The following GMDS variants were observed in gnomAD, a reference collection of about 807,000 sequenced individuals.
GMDS encodes the protein GDP-mannose 4,6-dehydratase.
In GMDS, 20 loss-of-function variants were observed where a neutral mutation model predicts 49.9. The observed-to-expected ratio is 0.40, with a 90% CI of 0.28 to 0.58. GMDS has a LOEUF of 0.58. GMDS is among the 20% of genes least tolerant of loss of function. GMDS has a pLI of 0.42. For synonymous variants in GMDS, 177 were observed against 178.6 expected (o/e 0.99, Z 0.07); for missense variants, 362 against 481.4 (o/e 0.75, Z 2.32).
chr6:1,700,279 TTTA>T, intron 9 of GMDS, among the ~76,000 whole-genome samples: 2 of 152,240 alleles, frequency 1.3e-5, no homozygotes, highest in East Asian at 3.8e-4. Context: ...TGCGAAAGTT[TTTA>T]TTTTTACTCT....
At chr6:2,194,029 T>A (rs1366807574) in intron 1 of GMDS, among the ~76,000 whole-genome samples, 1 of 128,978 alleles carries the variant, frequency 7.8e-6, no homozygotes, top group Non-Finnish European at 1.5e-5. Context: ...CCAAAAATGC[T>A]ATTTTTTTTT....
chr6:1,647,395 C>T (rs1371755609), intron 9 of GMDS, among the ~76,000 whole-genome samples: 1 of 152,082 alleles, frequency 6.6e-6, no homozygotes, highest in Non-Finnish European at 1.5e-5. Context: ...CAGCTTCTCC[C>T]CACCCCCAAA....
rs567905789 is a variant in GMDS, at chr6:1,962,880, C to CT, written c.346-1915dup. Among the ~76,000 whole-genome samples, 624 of 137,818 alleles carry CT rather than the reference C, an allele frequency of 4.5e-3. 3 individuals are homozygous for CT. The highest frequency in any genetic ancestry group is 0.013 in the African/African-American group (495 of 37,656). The allele number at this position is 137,818 out of a possible 152,430, so 90.4% of individuals were successfully genotyped here. A position where few individuals can be genotyped will look rare whatever the true frequency, so the allele number is the denominator to read the frequency against. ...TCTTTTTCTTTTCTTTTTTTTCTTT[C>CT]TTTTTTTTTTTTTTAAGATGGAGTC... On this transcript the variant is annotated intron_variant, in intron 4 of 10. Coordinates refer to ENST00000380815, the MANE Select transcript of GMDS (RefSeq NM_001500.4).
chr6:2,231,467 G>C (rs1372680143), intron 1 of GMDS, among the ~76,000 whole-genome samples: 1 of 152,198 alleles, frequency 6.6e-6, no homozygotes, highest in Admixed American at 6.5e-5. Context: ...AGGGGGCTGA[G>C]GTGGGAGGAT....
rs116537045 is a variant in GMDS at position 2,238,464 on chromosome 6, A to G, written c.102+6857T>C. ...ACCATCCAACCTGTCACCAAAATGC[A>G]TTTGCATCCTTGATCTCATTATCCT... On this transcript the variant is annotated intron_variant, in intron 1 of 10. Transcript: ENST00000380815. Among the ~76,000 whole-genome samples the G allele has an allele frequency of 6.1e-3, 932 of 152,254 alleles. 3 individuals carry two copies. The highest frequency in any genetic ancestry group is 0.017 in the Middle Eastern group (5 of 294).
At chr6:2,023,527 G>T (rs1188031339) in intron 4 of GMDS, among the ~76,000 whole-genome samples, 1 of 152,196 alleles carries the variant, frequency 6.6e-6, no homozygotes, top group African/African-American at 2.4e-5. Flanking sequence ...GGAGGGCAGA[G>T]ATGTGACACA....
chr6:1,702,367 G>A (rs1445762994), intron 9 of GMDS, among the ~76,000 whole-genome samples: 2 of 152,234 alleles, frequency 1.3e-5, no homozygotes, highest in Admixed American at 1.3e-4. Context: ...ACTGTATTCT[G>A]TTCTCTCACC....
chr6:2,104,760 A>G (rs1774125216), intron 4 of GMDS, among the ~76,000 whole-genome samples: 1 of 152,182 alleles, frequency 6.6e-6, no homozygotes. Context: ...AATTTGGCAA[A>G]TTTGATGAAC....
chr6:1,790,567 A>G (rs556381049), intron 7 of GMDS, among the ~76,000 whole-genome samples: 2 of 152,350 alleles, frequency 1.3e-5, no homozygotes, highest in Non-Finnish European at 2.9e-5. Context: ...CAAATTTTAC[A>G]TGAAGTTTCC....
intron 9 of GMDS, among the ~76,000 whole-genome samples, chr6:1,725,909 C>T (rs1433221210): frequency 3.9e-5 from 6 of 152,172 alleles, no homozygotes; most frequent in Admixed American, 2.0e-4. Context: ...ACTGATGTAT[C>T]GGCCAGAAAA....
At chr6:1,944,669 CAAAAA>C (rs56229524) in intron 6 of GMDS, among the ~76,000 whole-genome samples, 2 of 101,158 alleles carry the variant, frequency 2.0e-5, no homozygotes, top group Non-Finnish European at 3.8e-5. Flanking sequence ...GACTCCGTCT[CAAAAA>C]AAAAAAAAAA....
At chr6:2,144,050 C>T (rs566063297) in intron 1 of GMDS, among the ~76,000 whole-genome samples, 3 of 152,240 alleles carry the variant, frequency 2.0e-5, no homozygotes, top group African/African-American at 7.2e-5. Flanking sequence ...ATAAAAATAA[C>T]AGGCAATATT....
At chr6:1,669,153 C>G (rs1464723630) in intron 9 of GMDS, among the ~76,000 whole-genome samples, 1 of 152,222 alleles carries the variant, frequency 6.6e-6, no homozygotes, top group Non-Finnish European at 1.5e-5. Flanking sequence ...AAGGAAGAGA[C>G]AGAAGACATT....
chr6:1,969,096 C>T (rs1354841085), intron 4 of GMDS, among the ~76,000 whole-genome samples: 2 of 151,354 alleles, frequency 1.3e-5, no homozygotes, highest in Non-Finnish European at 2.9e-5. Context: ...CCCATCTCTA[C>T]TAAAAATACA....
At chr6:2,066,846 A>G (rs1278194959) in intron 4 of GMDS, among the ~76,000 whole-genome samples, 2 of 151,818 alleles carry the variant, frequency 1.3e-5, no homozygotes, top group Admixed American at 6.6e-5. Flanking sequence ...TCAACATTAG[A>G]CAGATCAACG....
At chr6:1,678,372 G>A (rs1764688650) in intron 9 of GMDS, among the ~76,000 whole-genome samples, 1 of 152,154 alleles carries the variant, frequency 6.6e-6, no homozygotes, top group African/African-American at 2.4e-5. Context: ...GGCAGCTGCT[G>A]CTCCTGGCAA....
chr6:1,860,635 C>G (rs1581266724), intron 7 of GMDS, among the ~76,000 whole-genome samples: 1 of 152,162 alleles, frequency 6.6e-6, no homozygotes, highest in Admixed American at 6.5e-5. Flanking sequence ...CTCAATACAC[C>G]TGCCTAAATG....
chr6:1,872,693 G>A (rs915467989), intron 7 of GMDS, among the ~76,000 whole-genome samples: 6 of 152,220 alleles, frequency 3.9e-5, no homozygotes, highest in Non-Finnish European at 5.9e-5. Flanking sequence ...TAGCTAACTC[G>A]GTCAGAGGGC....
chr6:2,067,739 C>T (rs937439335), intron 4 of GMDS, among the ~76,000 whole-genome samples: 2 of 152,048 alleles, frequency 1.3e-5, no homozygotes, highest in Admixed American at 6.5e-5. Context: ...TCTGAATAGA[C>T]CAATAACAGG....
Sources: allele counts gnomAD v4.1 joint callset (sites outside exome capture counted in the v4.1 genomes callset), GRCh38; gene constraint gnomAD v4.1.1; transcripts MANE v1.5; gene names NCBI Gene and HGNC (gene_info 2026-07-23, HGNC 2026-07-21).